ERC1: variants seen among roughly 807,000 people sequenced by gnomAD.
The protein encoded by ERC1 is RAB6 interacting protein 2.
Under a neutral mutation model 132.0 loss-of-function variants are expected in ERC1, and 56 were observed. The ratio of observed to expected loss-of-function variants is 0.42; its 90% CI spans 0.34 to 0.53. The LOEUF is 0.53. ERC1 is among the 20% of genes least tolerant of loss of function. The pLI is 0.03. For missense variants in ERC1, 1,202 were observed against 1,349.9 expected (o/e 0.89, Z 1.72); for synonymous variants, 478 against 476.1 (o/e 1.00, Z -0.05).
intron 16 of ERC1, among the ~76,000 whole-genome samples, chr12:1,394,213 A>T (rs1462929607): frequency 1.3e-5 from 2 of 150,392 alleles, no homozygotes; most frequent in Non-Finnish European, 3.0e-5. Context: ...ATCCTGGCTA[A>T]CACGGTGAAA....
chr12:1,040,141 A>C (rs1969929234), intron 2 of ERC1, among the ~76,000 whole-genome samples: 2 of 152,160 alleles, frequency 1.3e-5, no homozygotes, highest in South Asian at 4.1e-4. Flanking sequence ...ATTAGGAGTG[A>C]CTTTGGGAAA....
intron 15 of ERC1, among the ~76,000 whole-genome samples, chr12:1,316,061 T>C (rs545472920): frequency 2.5e-3 from 387 of 152,230 alleles, no homozygotes; most frequent in African/African-American, 8.7e-3. Flanking sequence ...ACTAATTTTT[T>C]GTATTTTTAG....
intron 12 of ERC1, among the ~76,000 whole-genome samples, chr12:1,196,894 C>G (rs1956324140): frequency 7.7e-5 from 11 of 142,500 alleles, no homozygotes; most frequent in East Asian, 2.0e-4. Context: ...GTCTGTCTCT[C>G]TCTGTCTCTC....
At chr12:1,000,428 G>A (rs991972996) in intron 1 of ERC1, among the ~76,000 whole-genome samples, 13 of 151,584 alleles carry the variant, frequency 8.6e-5, no homozygotes, top group Admixed American at 8.5e-4. Flanking sequence ...GGAGGTTGCA[G>A]TGAACTGGGA....
At chr12:1,039,094 T>C (rs1172435836) in intron 2 of ERC1, among the ~76,000 whole-genome samples, 1 of 151,968 alleles carries the variant, frequency 6.6e-6, no homozygotes, top group East Asian at 1.9e-4. Flanking sequence ...CCCAGCACTT[T>C]GGGAGGCCGA....
At chr12:1,023,866 A>C (rs143770304) in intron 1 of ERC1, among the ~76,000 whole-genome samples, 1 of 152,254 alleles carries the variant, frequency 6.6e-6, no homozygotes, top group East Asian at 1.9e-4. Context: ...AAAAGTGTTC[A>C]TTAACTAAGG....
At chr12:1,216,622 T>TGGGGGGA (rs1382807077) in intron 12 of ERC1, among the ~76,000 whole-genome samples, 2 of 13,542 alleles carry the variant, frequency 1.5e-4, no homozygotes, top group African/African-American at 2.6e-4. Flanking sequence ...GGATGGGGGG[T>TGGGGGGA]GGGGGGCGGG....
chr12:1,041,608 G>A (rs1970227360), intron 2 of ERC1, among the ~76,000 whole-genome samples: 1 of 152,198 alleles, frequency 6.6e-6, no homozygotes, highest in Non-Finnish European at 1.5e-5. Context: ...TGCTCACTAG[G>A]TCACTCTTTA....
At chr12:1,406,614 TTC>T (rs1409036288) in intron 16 of ERC1, among the ~76,000 whole-genome samples, 1 of 152,194 alleles carries the variant, frequency 6.6e-6, no homozygotes, top group Non-Finnish European at 1.5e-5. Context: ...TTTCTTTCTT[TTC>T]TCTTTTTTGT....
At position 1,180,528 on chromosome 12, in the gene ERC1, A is replaced by C. The variant is rs757074401; in HGVS notation, c.1738-12A>C. ...GTCCTCTCTTTTCCCTTAAATATTTATGTACATTTAGATTGAAAATCTTCA... is the reference window on the plus strand; with the variant it reads ...GTCCTCTCTTTTCCCTTAAATATTTCTGTACATTTAGATTGAAAATCTTCA... On this transcript the variant is annotated splice_polypyrimidine_tract_variant and intron_variant, in intron 8 of 18. Transcript: ENST00000360905. 6.2e-7 allele frequency: 1 copy of C among 1,612,014 alleles called. No homozygotes were observed. Among genetic ancestry groups the C allele is most frequent in the Non-Finnish European group, 8.5e-7 (1 of 1,178,728 alleles).
intron 18 of ERC1, among the ~76,000 whole-genome samples, chr12:1,448,237 C>T (rs1321494139): frequency 1.3e-5 from 2 of 152,212 alleles, no homozygotes; most frequent in Non-Finnish European, 2.9e-5. Flanking sequence ...TGAGAATGTA[C>T]TTCAGTTACT....
chr12:1,219,262 A>C (rs1958731714), intron 12 of ERC1, among the ~76,000 whole-genome samples: 1 of 152,162 alleles, frequency 6.6e-6, no homozygotes, highest in African/African-American at 2.4e-5. Context: ...AGAATACTCT[A>C]CTTATTACCT....
At chr12:1,168,829 T>C (rs1952740475) in intron 8 of ERC1, among the ~76,000 whole-genome samples, 2 of 151,916 alleles carry the variant, frequency 1.3e-5, no homozygotes, top group African/African-American at 4.8e-5. Flanking sequence ...TTGAAAAGAA[T>C]GCCACCGATT....
intron 15 of ERC1, among the ~76,000 whole-genome samples, chr12:1,302,676 G>A (rs1380615380): frequency 6.6e-6 from 1 of 152,182 alleles, no homozygotes; most frequent in Non-Finnish European, 1.5e-5. Context: ...GCTTATAAAA[G>A]TTATATGTAA....
chr12:1,361,807 G>A (rs144159201), intron 15 of ERC1, among the ~76,000 whole-genome samples: 1,627 of 152,304 alleles, frequency 0.011, 9 homozygotes, highest in Non-Finnish European at 0.019. Context: ...AACAGTATGG[G>A]ATGAAACTAG....
At chr12:1,364,747 T>C (rs2086493805) in intron 15 of ERC1, among the ~76,000 whole-genome samples, 1 of 152,232 alleles carries the variant, frequency 6.6e-6, no homozygotes, top group South Asian at 2.1e-4. Context: ...CATTTATTGT[T>C]TCATCTCATT....
At chr12:1,205,508 A>ATTT in intron 12 of ERC1, among the ~76,000 whole-genome samples, 1 of 152,000 alleles carries the variant, frequency 6.6e-6, no homozygotes, top group African/African-American at 2.4e-5. Flanking sequence ...AAGTGTTAAA[A>ATTT]GAGTTAGCCC....
At chr12:1,145,825 G>A (rs1254811300) in intron 8 of ERC1, among the ~76,000 whole-genome samples, 1 of 152,140 alleles carries the variant, frequency 6.6e-6, no homozygotes, top group African/African-American at 2.4e-5. Context: ...TTGTTGAATA[G>A]GGTGTCATTT....
chr12:1,298,542 C>CAAAAAAAAAAAAAAAAAA (rs759796167), intron 15 of ERC1, among the ~76,000 whole-genome samples: 1 of 74,798 alleles, frequency 1.3e-5, no homozygotes, highest in African/African-American at 4.4e-5. Context: ...GACTCTGTCA[C>CAAAAAAAAAAAAAAAAAA]AAAAAAAAAA....
Sources: gnomAD v4.1 joint callset for allele counts (sites outside exome capture counted in the v4.1 genomes callset) on GRCh38, gnomAD v4.1.1 for gene constraint, MANE v1.5 for transcripts, NCBI Gene and HGNC (gene_info 2026-07-23, HGNC 2026-07-21) for gene names.